FNDC1: variants seen among roughly 807,000 people sequenced by gnomAD.
The protein encoded by FNDC1 is fibronectin type III domain containing 1.
In FNDC1, 96 loss-of-function variants were observed where a neutral mutation model predicts 168.0. The ratio of observed to expected loss-of-function variants is 0.57; its 90% CI spans 0.48 to 0.68. FNDC1 has a LOEUF of 0.68. Ranked by LOEUF, FNDC1 falls within the 30% of genes least tolerant of loss-of-function variation. The pLI is 0.00. For missense variants in FNDC1, 2,587 were observed against 2,482.1 expected, an observed-to-expected ratio of 1.04 and a Z score of -0.90; for synonymous variants, 1,099 against 1,025.9, an observed-to-expected ratio of 1.07 and a Z score of -1.36.
chr6:159,225,017 T>A (rs946570005), intron 7 of FNDC1, among the ~76,000 whole-genome samples: 5 of 152,194 alleles, frequency 3.3e-5, no homozygotes, highest in African/African-American at 1.2e-4. Context: ...TCCTTTTCAC[T>A]GTAGTAAGTC....
chr6:159,233,969 A>G lies in FNDC1; in HGVS notation c.3457A>G (p.Arg1153Gly). Reference sequence around the variant, plus strand: ...CCAGTCCCGCGCCCGGGTACCCAGCAGGGCAGCGCCGGGGAAGTCGGAGCC... The same window carrying G: ...CCAGTCCCGCGCCCGGGTACCCAGCGGGGCAGCGCCGGGGAAGTCGGAGCC... ...GPQSRARVPS[R>G]AAPGKSEPPS... Residue 1153 changes from arginine to glycine, a missense_variant, in exon 11 of 23, where the codon AGG becomes GGG. Arg to Gly is a moderately radical substitution (Grantham distance 125). Transcript: ENST00000297267. The surrounding 1 kb of genome is among the most constrained non-coding windows in gnomAD (Gnocchi z 4.6). The G allele has an allele frequency of 7.5e-6, 12 of 1,591,238 alleles. No individual in the cohort carries two copies. The highest frequency in any genetic ancestry group is 1.0e-5 in the Non-Finnish European group (12 of 1,169,180).
At chr6:159,220,986 G>A (rs890356265) in intron 5 of FNDC1, among the ~76,000 whole-genome samples, 2 of 152,090 alleles carry the variant, frequency 1.3e-5, no homozygotes, top group African/African-American at 4.8e-5. Context: ...CGGAGGGTGC[G>A]GGCAAGAACT....
intron 6 of FNDC1, among the ~76,000 whole-genome samples, chr6:159,222,766 G>A (rs1562643207): frequency 6.6e-6 from 1 of 152,158 alleles, no homozygotes; most frequent in Non-Finnish European, 1.5e-5. Context: ...GTTTGAACCA[G>A]AATTTTCATT....
intron 17 of FNDC1, among the ~76,000 whole-genome samples, chr6:159,251,832 A>G (rs1249187609): frequency 1.3e-5 from 2 of 152,172 alleles, no homozygotes; most frequent in Non-Finnish European, 2.9e-5. Flanking sequence ...TGATTTCCCC[A>G]TATGCAAAAC....
intron 6 of FNDC1, among the ~76,000 whole-genome samples, chr6:159,222,371 T>C (rs1427335329): frequency 2.0e-5 from 3 of 152,234 alleles, no homozygotes; most frequent in Non-Finnish European, 4.4e-5. Context: ...TGTTTCTCTC[T>C]TATTATTGAT....
At chr6:159,248,921 G>GTC (rs548479111) in intron 15 of FNDC1, 118 bp from the exon 16 acceptor site, 37,922 of 507,022 alleles carry the variant, frequency 0.075, 2,906 homozygotes, top group East Asian at 0.33. Context: ...GTGTGTGTGT[G>GTC]TGTCTGTCTG....
intron 4 of FNDC1, among the ~76,000 whole-genome samples, chr6:159,212,361 T>C (rs889188002): frequency 6.6e-6 from 1 of 152,238 alleles, no homozygotes; most frequent in African/African-American, 2.4e-5. Flanking sequence ...GGCTATCACA[T>C]ACAGCCCAGA....
At chr6:159,218,683 C>G (rs116462866) in intron 5 of FNDC1, 2 of 152,298 alleles carry the variant, frequency 1.3e-5, no homozygotes, top group African/African-American at 2.4e-5. Flanking sequence ...GAGCCACTCT[C>G]TGTCACTAAA....
intron 6 of FNDC1, among the ~76,000 whole-genome samples, chr6:159,222,021 C>T (rs1008110081): frequency 3.9e-5 from 6 of 152,096 alleles, no homozygotes; most frequent in Admixed American, 2.0e-4. Flanking sequence ...ATGCACTGAA[C>T]GACGTGAGAG....
chr6:159,218,636 G>A (rs1782755632), intron 5 of FNDC1: 2 of 152,244 alleles, frequency 1.3e-5, no homozygotes, highest in Admixed American at 1.3e-4. Context: ...AACCTTGAGG[G>A]GTGGGCCTTA....
chr6:159,238,650 G>A lies in FNDC1; in HGVS notation c.4165G>A (p.Gly1389Ser), dbSNP rs761139528. ...TCTTCGGATTAAACTAGGAGGAGATGGTCGAACCATTGTAGGTAAGGGAGA... is the reference window on the plus strand; with the variant it reads ...TCTTCGGATTAAACTAGGAGGAGATAGTCGAACCATTGTAGGTAAGGGAGA... ...NPLRIKLGGD[G>S]RTIVDLEGTP... Residue 1389 changes from glycine to serine, a missense_variant, in exon 13 of 23, where the codon GGT (glycine) becomes AGT (serine). Coordinates refer to ENST00000297267, the MANE Select transcript of FNDC1 (RefSeq NM_032532.3). The A allele has an allele frequency of 6.2e-7, 1 of 1,603,536 alleles. No homozygotes were observed.
chr6:159,190,425 G>A (rs1038464283), intron 1 of FNDC1, among the ~76,000 whole-genome samples: 2 of 152,250 alleles, frequency 1.3e-5, no homozygotes, highest in African/African-American at 4.8e-5. Context: ...TCTCAGGTCT[G>A]CCTTCCTACG....
rs1233800217 is a variant in FNDC1 at position 159,169,629 on chromosome 6, G to A, written c.33G>A (p.Ala11=). Residue 11 remains alanine, a synonymous_variant, in exon 1 of 23, where the codon GCG becomes GCA. Transcript: ENST00000297267. This position sits in a 1 kb window ranked among gnomAD's most constrained non-coding sequence, Gnocchi z 6.8. The part of the protein sequence containing the change: MAPEAGATLR[A]PRRLSWAALL... ...CCGAGGCCGGGGCGACCCTGCGCGCGCCGCGCCGGCTGTCCTGGGCGGCGC... is the reference window on the plus strand; with the variant it reads ...CCGAGGCCGGGGCGACCCTGCGCGCACCGCGCCGGCTGTCCTGGGCGGCGC... 1 of 1,141,552 alleles carries A rather than the reference G, an allele frequency of 8.8e-7. No individual in the cohort carries two copies. Among genetic ancestry groups the A allele is most frequent in the South Asian group, 4.0e-5 (1 of 24,968 alleles). 70.7% of individuals were successfully genotyped at this position (1,141,552 alleles called of 1,614,324 possible). A position where few individuals can be genotyped will look rare whatever the true frequency, so the allele number is the denominator to read the frequency against.
intron 1 of FNDC1, among the ~76,000 whole-genome samples, chr6:159,170,828 T>C (rs576736381): frequency 6.6e-6 from 1 of 152,320 alleles, no homozygotes; most frequent in South Asian, 2.1e-4. Flanking sequence ...AGGGTCTTTT[T>C]CTTCCCATTA....
At chr6:159,256,009 A>T (rs1450292641) in intron 17 of FNDC1, among the ~76,000 whole-genome samples, 16 of 152,214 alleles carry the variant, frequency 1.1e-4, no homozygotes, top group Admixed American at 1.0e-3. Context: ...GGCAGCACAG[A>T]TACTCAGCAA....
intron 14 of FNDC1, among the ~76,000 whole-genome samples, chr6:159,243,567 G>C (rs967971767): frequency 2.0e-5 from 3 of 152,052 alleles, no homozygotes; most frequent in Admixed American, 1.3e-4. Context: ...AACTACTGAA[G>C]AGAATAAACA....
chr6:159,256,426 T>C (rs2115021005), intron 17 of FNDC1, 97 bp from the exon 18 acceptor site: 1 of 832,662 alleles, frequency 1.2e-6, no homozygotes, highest in South Asian at 1.6e-5. Flanking sequence ...TGGAGCTGCA[T>C]CTGCAGCTTT....
At chr6:159,238,199 G>T (rs429005) in intron 12 of FNDC1, among the ~76,000 whole-genome samples, 127,630 of 151,196 alleles carry the variant, frequency 0.84, 54,320 homozygotes, top group Non-Finnish European at 0.9. Flanking sequence ...CTGGGTTCAC[G>T]CCATTCTCCT....
At chr6:159,201,331 T>C (rs1782373211) in intron 4 of FNDC1, among the ~76,000 whole-genome samples, 1 of 152,206 alleles carries the variant, frequency 6.6e-6, no homozygotes, top group Admixed American at 6.5e-5. Flanking sequence ...AAACCAATGA[T>C]GATTATCTGC....
Sources: gnomAD v4.1 joint callset for allele counts (sites outside exome capture counted in the v4.1 genomes callset) on GRCh38, gnomAD v4.1.1 for gene constraint, Gnocchi (gnomAD v3.1) non-coding constraint, MANE v1.5 for transcripts, NCBI Gene and HGNC (gene_info 2026-07-23, HGNC 2026-07-21) for gene names.